The following CAST variants were observed in gnomAD, a reference collection of about 807,000 sequenced individuals.
CAST encodes the protein MIR583 host.
Under a neutral mutation model 119.6 loss-of-function variants are expected in CAST, and 76 were observed. The observed-to-expected ratio is 0.64, with a 90% CI of 0.53 to 0.77. The LOEUF (loss-of-function observed/expected upper bound fraction) is 0.77. Among genes scored for constraint, CAST ranks in the 30% least tolerant of loss-of-function variants. The pLI is 0.00. For missense variants in CAST, 953 were observed against 946.5 expected, an observed-to-expected ratio of 1.01 and a Z score of -0.09; for synonymous variants, 319 against 331.6, an observed-to-expected ratio of 0.96 and a Z score of 0.41.
chr5:96,062,646 G>C, the CAST span, among the ~76,000 whole-genome samples: 98 of 152,160 alleles, frequency 6.4e-4, no homozygotes, highest in Middle Eastern at 6.8e-3. Flanking sequence ...GCAGTGAAAA[G>C]AAGGGGTCAC....
intron 1 of CAST, chr5:96,585,112 G>T (rs567951440): frequency 6.6e-6 from 1 of 152,324 alleles, no homozygotes; most frequent in African/African-American, 2.4e-5. Context: ...ATATTAATAT[G>T]TAAGTTGTGC....
intron 3 of CAST, among the ~76,000 whole-genome samples, chr5:96,718,810 T>TGG (rs1398890639): frequency 6.6e-6 from 1 of 151,758 alleles, no homozygotes; most frequent in Non-Finnish European, 1.5e-5. Flanking sequence ...GTGTTGCAGG[T>TGG]GGGAGGATAT....
At chr5:96,146,298 TC>T in the CAST span, among the ~76,000 whole-genome samples, 1 of 152,180 alleles carries the variant, frequency 6.6e-6, no homozygotes, top group African/African-American at 2.4e-5. Flanking sequence ...TGCATGAGAA[TC>T]ACATTCAGGT....
At chr5:96,164,056 G>A in the CAST span, among the ~76,000 whole-genome samples, 4 of 152,072 alleles carry the variant, frequency 2.6e-5, no homozygotes, top group African/African-American at 4.8e-5. Flanking sequence ...ACTGAGACTA[G>A]TGCCTGACTT....
chr5:96,743,669 G>C (rs776830566), intron 16 of CAST: 1 of 1,613,266 alleles, frequency 6.2e-7, no homozygotes, highest in Non-Finnish European at 8.5e-7. Context: ...GGGCTCACCG[G>C]CCACAGTGTG....
Position 96,757,664 on chromosome 5 carries a change from A to G in CAST, c.1833+10A>G. On this transcript the variant is annotated intron_variant, in intron 24 of 31. Transcript: ENST00000675179. ...AAATGCTTCATCTCTTGTAAGTCCA[A>G]AACTCTTGGTTTTATTTCTTTAGTT... The G allele has an allele frequency of 1.9e-6, 3 of 1,585,160 alleles. No homozygotes were observed. The highest frequency in any genetic ancestry group is 2.6e-6 in the Non-Finnish European group (3 of 1,160,450).
chr5:96,592,419 C>T (rs1746978625), intron 1 of CAST, among the ~76,000 whole-genome samples: 2 of 151,998 alleles, frequency 1.3e-5, no homozygotes, highest in Non-Finnish European at 2.9e-5. Flanking sequence ...GGGGGGAAAA[C>T]CCAGCTATAG....
intron 1 of CAST, chr5:96,546,606 T>C (rs1382572731): frequency 6.6e-6 from 1 of 151,356 alleles, no homozygotes; most frequent in Non-Finnish European, 1.5e-5. Flanking sequence ...GACTTTCCCA[T>C]TAATGCCTGC....
intron 1 of CAST, among the ~76,000 whole-genome samples, chr5:96,673,379 G>A (rs946424869): frequency 6.6e-6 from 1 of 152,198 alleles, no homozygotes; most frequent in African/African-American, 2.4e-5. Context: ...GGTTCAGAGA[G>A]CTCAGTACAC....
chr5:96,542,588 A>T (rs2150180205), intron 1 of CAST, among the ~76,000 whole-genome samples: 1 of 152,012 alleles, frequency 6.6e-6, no homozygotes, highest in East Asian at 1.9e-4. Flanking sequence ...AGATGTGTGT[A>T]TTTTCTTTCA....
chr5:96,118,558 A>C, the CAST span, among the ~76,000 whole-genome samples: 189 of 152,184 alleles, frequency 1.2e-3, no homozygotes, highest in Middle Eastern at 6.8e-3. Flanking sequence ...TATTTACATA[A>C]ATGTCTACTG....
Position 96,741,277 on chromosome 5 carries a change from G to A in CAST, c.930G>A (p.Gly310=). Residue 310 remains glycine (G), a synonymous_variant, in exon 14 of 32, where the codon GGG becomes GGA. Transcript: ENST00000675179. ...GCCTGTTTCTTTAGAAACCCATAGG[G>A]CCAGATGATGCTATAGACGCCTTGT... ...GPPADSSKPI[G]PDDAIDALSS... 6.2e-7 allele frequency: 1 copy of A among 1,609,286 alleles called. No individual in the cohort carries two copies. Among genetic ancestry groups the A allele is most frequent in the Non-Finnish European group, 8.5e-7 (1 of 1,175,772 alleles).
the CAST span, among the ~76,000 whole-genome samples, chr5:96,336,368 GGA>G: frequency 6.6e-5 from 10 of 152,200 alleles, no homozygotes; most frequent in Non-Finnish European, 1.5e-4. Flanking sequence ...TCATGCTTAG[GGA>G]GAGAGGGAAA....
At chr5:96,526,094 G>T (rs2150176189), upstream of CAST, among the ~76,000 whole-genome samples, 1 of 152,312 alleles carries the variant, frequency 6.6e-6, no homozygotes, top group East Asian at 1.9e-4. Context: ...CAACTGCAGT[G>T]TTCTCAAGAG....
the CAST span, among the ~76,000 whole-genome samples, chr5:96,147,914 A>C: frequency 6.6e-6 from 1 of 152,266 alleles, no homozygotes; most frequent in Admixed American, 6.5e-5. Context: ...ATCCATCCAC[A>C]TGAATCCCAC....
chr5:96,753,974 A>G, intron 20 of CAST, 86 bp from the exon 21 acceptor site: 1 of 763,330 alleles, frequency 1.3e-6, no homozygotes, highest in Non-Finnish European at 2.4e-6. Context: ...TATCTGAAAT[A>G]ATGATATGCC....
At chr5:96,419,815 T>C in the CAST span, among the ~76,000 whole-genome samples, 1,474 of 152,180 alleles carry the variant, frequency 9.7e-3, 31 homozygotes, top group African/African-American at 0.034. Context: ...AAAACAACTA[T>C]TATAAATGCT....
At chr5:96,048,945 C>A in the CAST span, among the ~76,000 whole-genome samples, 2 of 152,176 alleles carry the variant, frequency 1.3e-5, no homozygotes, top group African/African-American at 4.8e-5. Context: ...AAGTCTGCAG[C>A]ATGGAGATAC....
At chr5:96,144,846 T>A in the CAST span, among the ~76,000 whole-genome samples, 1 of 152,056 alleles carries the variant, frequency 6.6e-6, no homozygotes, top group African/African-American at 2.4e-5. Context: ...CCAGCTAATT[T>A]TTTTTTGTAT....
Sources: allele counts gnomAD v4.1 joint callset (sites outside exome capture counted in the v4.1 genomes callset), GRCh38; gene constraint gnomAD v4.1.1; transcripts MANE v1.5; gene names NCBI Gene and HGNC (gene_info 2026-07-23, HGNC 2026-07-21).